Variants in ZNF704 observed in about 807,000 individuals in gnomAD.
ZNF704 encodes the protein glucocorticoid induced gene 1.
Under a neutral mutation model 44.7 loss-of-function variants are expected in ZNF704, and 10 were observed. The ratio of observed to expected loss-of-function variants is 0.22; its 90% CI spans 0.14 to 0.38. The LOEUF is 0.38. Among genes scored for constraint, ZNF704 ranks in the 10% least tolerant of loss-of-function variants. ZNF704 has a pLI of 1.00. For synonymous variants in ZNF704, 211 were observed against 207.6 expected (o/e 1.02, Z -0.14); for missense variants, 390 against 545.5 (o/e 0.71, Z 2.84).
intron 7 of ZNF704, among the ~76,000 whole-genome samples, chr8:80,652,187 T>C (rs1210910980): frequency 2.0e-5 from 3 of 152,160 alleles, no homozygotes; most frequent in South Asian, 2.1e-4. Context: ...GGGAAATTTA[T>C]AGCACTAAAT....
rs1187050183 is a variant in ZNF704, at chr8:80,639,578, A to G, written c.*1788T>C. 6 of 152,190 alleles carry G rather than the reference A, an allele frequency of 3.9e-5. No homozygotes were observed. Among genetic ancestry groups the G allele is most frequent in the Non-Finnish European group, 5.9e-5 (4 of 68,044 alleles). 9.4% of individuals were successfully genotyped at this position (152,190 alleles called of 1,614,324 possible). On this transcript the variant is annotated 3_prime_UTR_variant, in exon 9 of 9. Coordinates refer to ENST00000327835, the MANE Select transcript of ZNF704 (RefSeq NM_001033723.3). ...TTTTTAAAGAAAAAAATAAATGAAG[A>G]AAAAAACCAGGATCTCTTCCAAGGA...
chr8:80,657,343 T>C (rs1818031973), intron 7 of ZNF704, among the ~76,000 whole-genome samples: 1 of 152,180 alleles, frequency 6.6e-6, no homozygotes, highest in Non-Finnish European at 1.5e-5. Context: ...CTAAAGTCTT[T>C]GCTGAAACAG....
chr8:80,790,475 C>A (rs1807685448), intron 2 of ZNF704, among the ~76,000 whole-genome samples: 2 of 152,116 alleles, frequency 1.3e-5, no homozygotes, highest in African/African-American at 4.8e-5. Context: ...ATAAAAATCA[C>A]CTATGTAAAT....
intron 1 of ZNF704, among the ~76,000 whole-genome samples, chr8:80,845,376 T>C (rs117176678): frequency 2.6e-5 from 4 of 152,326 alleles, no homozygotes; most frequent in Non-Finnish European, 5.9e-5. Context: ...GTTTCAACAT[T>C]TGATAAAAGT....
At chr8:80,650,278 C>T (rs1447901955) in intron 7 of ZNF704, among the ~76,000 whole-genome samples, 7 of 152,124 alleles carry the variant, frequency 4.6e-5, no homozygotes, top group East Asian at 1.9e-4. Context: ...AGGAACGCAG[C>T]GCAGCTACTC....
intron 4 of ZNF704, among the ~76,000 whole-genome samples, chr8:80,674,851 A>G (rs747852765): frequency 6.6e-5 from 10 of 152,340 alleles, no homozygotes; most frequent in Middle Eastern, 3.4e-3. Context: ...ATTGTAGAAA[A>G]TATCTTCCAC....
intron 2 of ZNF704, among the ~76,000 whole-genome samples, chr8:80,763,094 A>C (rs1012903880): frequency 6.6e-6 from 1 of 152,146 alleles, no homozygotes; most frequent in Non-Finnish European, 1.5e-5. Flanking sequence ...GGTTGCTTTC[A>C]TGGGCTGGCA....
At chr8:80,803,373 C>T (rs1268192214) in intron 2 of ZNF704, among the ~76,000 whole-genome samples, 1 of 152,072 alleles carries the variant, frequency 6.6e-6, no homozygotes, top group Non-Finnish European at 1.5e-5. Flanking sequence ...CCCAAATAGC[C>T]AAGACAGTCC....
intron 2 of ZNF704, among the ~76,000 whole-genome samples, chr8:80,803,475 C>T (rs1439354508): frequency 6.6e-6 from 1 of 152,086 alleles, no homozygotes; most frequent in Non-Finnish European, 1.5e-5. Flanking sequence ...GGTACTGGTA[C>T]AAGAACAGAT....
At chr8:80,679,895 T>C (rs1818425687) in intron 4 of ZNF704, among the ~76,000 whole-genome samples, 1 of 152,232 alleles carries the variant, frequency 6.6e-6, no homozygotes, top group African/African-American at 2.4e-5. Context: ...ACATTGATGC[T>C]GTGGGCCACA....
chr8:80,648,828 T>C (rs74833364), intron 7 of ZNF704, among the ~76,000 whole-genome samples: 1 of 152,258 alleles, frequency 6.6e-6, no homozygotes, highest in Non-Finnish European at 1.5e-5. Context: ...ACACAGTAAA[T>C]GGACTCAGGG....
At position 80,664,959 on chromosome 8, in the gene ZNF704, G is replaced by A. The variant is rs766686908; in HGVS notation, c.783C>T (p.Ser261=). Reference sequence around the variant, plus strand: ...TGGGGAAAGTAGGAGGTGAAGCCAGGGACTGGGAAGGTGAGACCGGGGCCA... The same window carrying A: ...TGGGGAAAGTAGGAGGTGAAGCCAGAGACTGGGAAGGTGAGACCGGGGCCA... ...SSLAPVSPSQ[S]LASPPTFPIP... is the part of the protein sequence containing the mutation. Residue 261 remains serine (S), a synonymous_variant, in exon 6 of 9, where the codon TCC becomes TCT. Coordinates refer to ENST00000327835, the MANE Select transcript of ZNF704 (RefSeq NM_001033723.3). The A allele has an allele frequency of 5.6e-6, 9 of 1,614,198 alleles. No homozygotes were observed. The Admixed American group carries it at 1.2e-4, about 21-fold the overall frequency.
chr8:80,758,715 C>A (rs1807078745), intron 2 of ZNF704, among the ~76,000 whole-genome samples: 2 of 152,084 alleles, frequency 1.3e-5, no homozygotes, highest in Non-Finnish European at 2.9e-5. Context: ...TGCATTTTAT[C>A]AATTCTAAAG....
rs781631102 is a variant in ZNF704, at chr8:80,638,585, C to T, written c.*2781G>A. On this transcript the variant is annotated 3_prime_UTR_variant, in exon 9 of 9. Coordinates refer to ENST00000327835, the MANE Select transcript of ZNF704 (RefSeq NM_001033723.3). ...TCCAAAATATAACAAAATAATGCTA[C>T]GTTTAAAAAAAAAAAACCCTAACTT... The T allele has an allele frequency of 6.0e-5, 9 of 151,000 alleles. No homozygotes were observed. Among genetic ancestry groups the T allele is most frequent in the East Asian group, 3.9e-4 (2 of 5,156 alleles). The allele number at this position is 151,000 out of a possible 1,614,324, so 9.4% of individuals were successfully genotyped here.
intron 2 of ZNF704, among the ~76,000 whole-genome samples, chr8:80,768,669 C>T (rs1807268987): frequency 6.6e-6 from 1 of 152,078 alleles, no homozygotes; most frequent in African/African-American, 2.4e-5. Flanking sequence ...ACATCGCATG[C>T]TATCTAACTC....
At chr8:80,826,157 T>C (rs1426090686) in intron 1 of ZNF704, among the ~76,000 whole-genome samples, 1 of 151,804 alleles carries the variant, frequency 6.6e-6, no homozygotes. Flanking sequence ...TTTGAAAAGA[T>C]CAACAAAATT....
chr8:80,800,111 G>T (rs1456266240), intron 2 of ZNF704, among the ~76,000 whole-genome samples: 2 of 152,072 alleles, frequency 1.3e-5, no homozygotes, highest in African/African-American at 4.8e-5. Context: ...AGGCAGACAA[G>T]AACAGAGAAA....
chr8:80,799,433 C>G (rs1807862488), intron 2 of ZNF704, among the ~76,000 whole-genome samples: 1 of 152,008 alleles, frequency 6.6e-6, no homozygotes, highest in Non-Finnish European at 1.5e-5. Context: ...TCTTCATTGT[C>G]CAGGTAGAAG....
chr8:80,647,836 C>A (rs1817857054), intron 7 of ZNF704, among the ~76,000 whole-genome samples: 1 of 152,232 alleles, frequency 6.6e-6, no homozygotes, highest in Non-Finnish European at 1.5e-5. Flanking sequence ...GCATGAGGAA[C>A]AGGCTTTTGA....
Sources: allele counts gnomAD v4.1 joint callset (sites outside exome capture counted in the v4.1 genomes callset), GRCh38; gene constraint gnomAD v4.1.1; transcripts MANE v1.5; gene names NCBI Gene and HGNC (gene_info 2026-07-23, HGNC 2026-07-21).